Variants in SFI1 observed in about 807,000 individuals in gnomAD.
The protein encoded by SFI1 is protein SFI1 homolog.
In SFI1, 195 loss-of-function variants were observed where a neutral mutation model predicts 207.5. The ratio of observed to expected loss-of-function variants is 0.94; its 90% confidence interval spans 0.84 to 1.06. The LOEUF (loss-of-function observed/expected upper bound fraction) is 1.06. Ranked by LOEUF, SFI1 falls within the 50% of genes least tolerant of loss-of-function variation. The pLI, the probability that SFI1 is intolerant of heterozygous loss-of-function variation, is 0.00. For missense variants in SFI1, 1,634 were observed against 1,588.0 expected (o/e 1.03, Z -0.49); for synonymous variants, 630 against 598.9 (o/e 1.05, Z -0.76).
intron 2 of SFI1, among the ~76,000 whole-genome samples, chr22:31,526,983 G>A (rs574533904): frequency 1.9e-4 from 29 of 152,104 alleles, no homozygotes; most frequent in African/African-American, 4.3e-4. Context: ...CGCAACCTCC[G>A]CCTCCCGGGT....
intron 1 of SFI1, among the ~76,000 whole-genome samples, chr22:31,502,626 G>A (rs1051248775): frequency 1.3e-4 from 20 of 152,100 alleles, no homozygotes; most frequent in Admixed American, 2.6e-4. Context: ...CACCTGCCTC[G>A]GCCTCCTGAA....
At chr22:31,503,866 G>A (rs1049596299) in intron 1 of SFI1, among the ~76,000 whole-genome samples, 2 of 151,736 alleles carry the variant, frequency 1.3e-5, no homozygotes, top group African/African-American at 4.8e-5. Flanking sequence ...TAGGATTACA[G>A]GCATGCGCCA....
At chr22:31,594,005 A>AGAGGGAGAGGGG (rs71184509) in intron 15 of SFI1, among the ~76,000 whole-genome samples, 11 of 128,212 alleles carry the variant, frequency 8.6e-5, no homozygotes, top group South Asian at 5.5e-4. Context: ...AGGGAGAGGG[A>AGAGGGAGAGGGG]CAGGGAGAGG....
intron 4 of SFI1, among the ~76,000 whole-genome samples, chr22:31,543,612 C>A (rs2059793062): frequency 6.6e-6 from 1 of 151,756 alleles, no homozygotes. Context: ...GAGTTCGAGA[C>A]CAGCCTGGCC....
chr22:31,524,584 G>C (rs1043637317), intron 2 of SFI1, among the ~76,000 whole-genome samples: 1 of 151,668 alleles, frequency 6.6e-6, no homozygotes, highest in Non-Finnish European at 1.5e-5. Context: ...CACCATGCTT[G>C]GCCAATTTTT....
chr22:31,504,603 A>G (rs1367166795), intron 1 of SFI1, among the ~76,000 whole-genome samples: 1 of 152,184 alleles, frequency 6.6e-6, no homozygotes, highest in Non-Finnish European at 1.5e-5. Context: ...ACAAAGTACC[A>G]CAAACCGGGT....
At position 31,602,921 on chromosome 22, in the gene SFI1, A is replaced by G. The variant is rs991163028; in HGVS notation, c.1805+136A>G. The G allele has an allele frequency of 7.6e-6, 8 of 1,047,862 alleles. No individual in the cohort carries two copies. In the South Asian group the frequency reaches 1.3e-4, roughly 17 times the overall value. The allele number at this position is 1,047,862 out of a possible 1,614,324, so 64.9% of individuals were successfully genotyped here. On this transcript the variant is annotated intron_variant, in intron 17 of 32. Coordinates refer to ENST00000400288, the MANE Select transcript of SFI1 (RefSeq NM_001007467.3). ...TCTGGTTGTAAGTTCTGGAAGTTCA[A>G]CCTAAAAGAGTCTTAAGTAAAACTA...
intron 2 of SFI1, among the ~76,000 whole-genome samples, chr22:31,519,985 T>G (rs2147042696): frequency 6.6e-6 from 1 of 151,038 alleles, no homozygotes; most frequent in Admixed American, 6.6e-5. Flanking sequence ...AGGGTGGTCT[T>G]GAACTCCTGG....
At chr22:31,593,484 C>T (rs1386135656) in intron 15 of SFI1, among the ~76,000 whole-genome samples, 3 of 135,988 alleles carry the variant, frequency 2.2e-5, no homozygotes, top group Non-Finnish European at 4.8e-5. Context: ...GGATGGCGGC[C>T]GGGTGGAGAC....
rs371317241 is a variant in SFI1, at chr22:31,599,035, G to T, written c.1545-3177G>T. Among the ~76,000 whole-genome samples the T allele has an allele frequency of 8.0e-5, 12 of 150,834 alleles. No homozygotes were observed. The East Asian group carries it at 1.8e-3, about 22-fold the overall frequency. ...TCTCGAACTCCTAAGCTTGTGATCC[G>T]CCCGCCTCGGCCTCCCAAAGTGCTG... On this transcript the variant is annotated intron_variant, in intron 15 of 32. Coordinates refer to ENST00000400288, the MANE Select transcript of SFI1 (RefSeq NM_001007467.3).
intron 4 of SFI1, among the ~76,000 whole-genome samples, chr22:31,540,664 G>A (rs2059399894): frequency 1.3e-5 from 2 of 150,624 alleles, no homozygotes; most frequent in South Asian, 2.1e-4. Context: ...CACTGCAACC[G>A]CCACCTCTCA....
chr22:31,549,130 A>G (rs1249366218), intron 5 of SFI1, among the ~76,000 whole-genome samples: 2 of 151,638 alleles, frequency 1.3e-5, no homozygotes, highest in African/African-American at 2.4e-5. Context: ...CTACAAAAAA[A>G]TACAAAAATT....
intron 15 of SFI1, among the ~76,000 whole-genome samples, chr22:31,597,220 T>C (rs1436983394): frequency 6.6e-6 from 1 of 152,228 alleles, no homozygotes; most frequent in Non-Finnish European, 1.5e-5. Flanking sequence ...GAGGAGCCTT[T>C]AAAGGATTTT....
At chr22:31,573,858 A>G (rs376139211) in intron 9 of SFI1, among the ~76,000 whole-genome samples, 3 of 152,098 alleles carry the variant, frequency 2.0e-5, no homozygotes, top group East Asian at 3.8e-4. Flanking sequence ...CAGTTAATCA[A>G]CACTTCCCTA....
At chr22:31,568,975 T>G (rs1262244367) in intron 8 of SFI1, among the ~76,000 whole-genome samples, 3 of 152,194 alleles carry the variant, frequency 2.0e-5, no homozygotes, top group Non-Finnish European at 4.4e-5. Flanking sequence ...TTTGGGTTGT[T>G]AGGGGAGTTA....
chr22:31,601,677 T>G lies in SFI1; in HGVS notation c.1545-535T>G, dbSNP rs148030391. On this transcript the variant is annotated intron_variant, in intron 15 of 32. Coordinates refer to ENST00000400288, the MANE Select transcript of SFI1 (RefSeq NM_001007467.3). Reference sequence around the variant, plus strand: ...TTTTCGTACGGTGTGAAGGCTTGGCTGATACCAGAAACAACCTGGAAAATG... The same window carrying G: ...TTTTCGTACGGTGTGAAGGCTTGGCGGATACCAGAAACAACCTGGAAAATG... 1.5e-3 allele frequency among the ~76,000 whole-genome samples: 221 copies of G among 152,350 alleles called. 1 individual carries two copies. The South Asian group carries it at 0.015, about 10-fold the overall frequency.
intron 2 of SFI1, among the ~76,000 whole-genome samples, chr22:31,509,654 C>T (rs1377846059): frequency 6.6e-6 from 1 of 152,194 alleles, no homozygotes; most frequent in Non-Finnish European, 1.5e-5. Flanking sequence ...CCCAGATACA[C>T]CCAGAAACAA....
intron 6 of SFI1, among the ~76,000 whole-genome samples, chr22:31,551,485 C>G (rs1782974344): frequency 6.6e-6 from 1 of 152,212 alleles, no homozygotes; most frequent in African/African-American, 2.4e-5. Flanking sequence ...CACTGTTTCA[C>G]TGGTAAGTAA....
chr22:31,617,460 C>A (rs1368428044), intron 31 of SFI1, among the ~76,000 whole-genome samples: 1 of 152,136 alleles, frequency 6.6e-6, no homozygotes, highest in Non-Finnish European at 1.5e-5. Context: ...GTGACTCACA[C>A]CTGTCATCCC....
Sources: allele counts gnomAD v4.1 joint callset (sites outside exome capture counted in the v4.1 genomes callset), GRCh38; gene constraint gnomAD v4.1.1; transcripts MANE v1.5; gene names NCBI Gene and HGNC (gene_info 2026-07-23, HGNC 2026-07-21).